Variants in ZFHX3 observed in about 807,000 individuals in gnomAD.
ZFHX3 encodes zinc finger homeobox protein 3.
ZFHX3 carries 42 observed loss-of-function variants against 279.1 expected under a neutral mutation model. That is an observed-to-expected ratio of 0.15 (90% CI 0.12 to 0.19). The LOEUF (loss-of-function observed/expected upper bound fraction) is 0.19, where lower values mean the gene tolerates loss of function less well. Ranked by LOEUF, ZFHX3 falls within the 10% of genes least tolerant of loss-of-function variation. The pLI is 1.00. For synonymous variants in ZFHX3, 2,293 were observed against 1,957.8 expected, an observed-to-expected ratio of 1.17 and a Z score of -4.52; for missense variants, 4,981 against 4,754.0, an observed-to-expected ratio of 1.05 and a Z score of -1.40.
chr16:73,230,842 C>T (rs1055349842), intron 5 of ZFHX3, among the ~76,000 whole-genome samples: 3 of 152,196 alleles, frequency 2.0e-5, no homozygotes, highest in African/African-American at 7.2e-5. Flanking sequence ...AGTGTTCCTG[C>T]TGCCGCTGCT....
Position 72,959,950 on chromosome 16 carries a change from C to A in ZFHX3, c.196G>T (p.Ala66Ser). 8.1e-6 allele frequency: 13 copies of A among 1,605,028 alleles called. No individual in the cohort carries two copies. Among genetic ancestry groups the A allele is most frequent in the African/African-American group, 1.3e-5 (1 of 74,804 alleles). The change falls in exon 2 of 10, where the codon GCG becomes TCG. Residue 66 changes from alanine (A) to serine (S), a missense_variant. By Grantham distance (99) the Ala-to-Ser change is moderately conservative. Coordinates refer to ENST00000268489, the MANE Select transcript of ZFHX3 (RefSeq NM_006885.4). Reference sequence around the variant, plus strand: ...GGCTCGGAGGGGGGCCCGGCCGACGCGGTGCTCTCCGCGAGGCGCTCATTG... The same window carrying A: ...GGCTCGGAGGGGGGCCCGGCCGACGAGGTGCTCTCCGCGAGGCGCTCATTG... Reference protein sequence around the residue: ...PFNERLAESTASAGPPSEPAS... With the variant: ...PFNERLAESTSSAGPPSEPAS...
intron 2 of ZFHX3, among the ~76,000 whole-genome samples, chr16:73,612,765 C>G (rs2052260094): frequency 6.6e-6 from 1 of 151,936 alleles, no homozygotes; most frequent in Non-Finnish European, 1.5e-5. Context: ...TAAAATAGTG[C>G]CAATATTTGC....
chr16:73,362,927 G>T (rs553871009), intron 3 of ZFHX3, among the ~76,000 whole-genome samples: 1 of 152,206 alleles, frequency 6.6e-6, no homozygotes, highest in African/African-American at 2.4e-5. Context: ...TAACCTATAG[G>T]ACCTAAAACA....
chr16:73,444,195 A>C (rs1450159810), intron 3 of ZFHX3, among the ~76,000 whole-genome samples: 1 of 152,234 alleles, frequency 6.6e-6, no homozygotes, highest in Non-Finnish European at 1.5e-5. Flanking sequence ...TCTAGTATGG[A>C]TAATTTTTTC....
chr16:73,085,491 C>CT (rs1966000839), intron 8 of ZFHX3, among the ~76,000 whole-genome samples: 1 of 152,180 alleles, frequency 6.6e-6, no homozygotes, highest in Non-Finnish European at 1.5e-5. Context: ...AGTGATCCGC[C>CT]TGCCTCGGCC....
At chr16:73,573,776 G>A (rs947410666) in intron 2 of ZFHX3, among the ~76,000 whole-genome samples, 1 of 152,142 alleles carries the variant, frequency 6.6e-6, no homozygotes, top group African/African-American at 2.4e-5. Context: ...TGTTATGCCT[G>A]TGTATATGAA....
chr16:73,023,709 C>CA (rs1019263406), intron 1 of ZFHX3, among the ~76,000 whole-genome samples: 4 of 152,192 alleles, frequency 2.6e-5, no homozygotes, highest in African/African-American at 9.7e-5. Flanking sequence ...CGGCTGGAAT[C>CA]AGAGCTCAAA....
intron 5 of ZFHX3, among the ~76,000 whole-genome samples, chr16:73,159,963 A>G (rs532311475): frequency 6.6e-6 from 1 of 152,210 alleles, no homozygotes; most frequent in Admixed American, 6.5e-5. Flanking sequence ...GGGTTTTGCC[A>G]TGTTGACCAG....
rs369748600 is a variant in ZFHX3 at position 72,889,949 on chromosome 16, T to C, written c.3230A>G (p.His1077Arg). ...SLKLYKHLQQHESGVEGESCY... is the reference protein window; with the variant it reads ...SLKLYKHLQQRESGVEGESCY... The stretch of plus-strand genomic sequence containing the variant: ...GCTCTCACCTTCTACACCACTCTCA[T>C]GCTGCTGCAGGTGCTGCAAGTAACA... The change falls in exon 4 of 10, where the codon CAT becomes CGT. Residue 1077 changes from histidine (H) to arginine (R), a missense_variant. Physicochemically the swap from His to Arg is conservative, Grantham distance 29. Transcript: ENST00000268489. 2.5e-6 allele frequency: 4 copies of C among 1,613,664 alleles called. No homozygotes were observed. Among genetic ancestry groups the C allele is most frequent in the Admixed American group, 1.7e-5 (1 of 59,970 alleles).
intron 4 of ZFHX3, among the ~76,000 whole-genome samples, chr16:73,293,486 T>G (rs1024983141): frequency 2.0e-5 from 3 of 152,238 alleles, no homozygotes; most frequent in African/African-American, 7.2e-5. Flanking sequence ...GTAATGTCCC[T>G]GTAGTTTAAT....
intron 7 of ZFHX3, among the ~76,000 whole-genome samples, chr16:73,117,603 G>A (rs1285470154): frequency 6.6e-6 from 1 of 152,220 alleles, no homozygotes; most frequent in Non-Finnish European, 1.5e-5. Flanking sequence ...AAGAAAGGGT[G>A]ACAATAGTCT....
chr16:73,185,162 G>C (rs74505826), intron 5 of ZFHX3, among the ~76,000 whole-genome samples: 2 of 152,060 alleles, frequency 1.3e-5, no homozygotes, highest in Admixed American at 6.6e-5. Flanking sequence ...AAGAAGGGAC[G>C]ACCTGAGCAG....
At chr16:72,935,092 G>T (rs1403723848) in intron 3 of ZFHX3, among the ~76,000 whole-genome samples, 1 of 152,194 alleles carries the variant, frequency 6.6e-6, no homozygotes, top group Non-Finnish European at 1.5e-5. Context: ...TATGTGCTGG[G>T]TCACTCATGT....
chr16:73,283,156 ACTAATGAGCGTTG>A (rs2014500225), intron 4 of ZFHX3, among the ~76,000 whole-genome samples: 1 of 152,226 alleles, frequency 6.6e-6, no homozygotes, highest in Non-Finnish European at 1.5e-5. Flanking sequence ...CAATAGGTAA[ACTAATGAGCGTTG>A]CTGTGTTCCA....
intron 2 of ZFHX3, chr16:73,610,051 C>G (rs185853802): frequency 1.3e-5 from 2 of 152,248 alleles, no homozygotes; most frequent in East Asian, 1.9e-4. Flanking sequence ...GGCAATGTCC[C>G]TCGTTCCTCT....
chr16:73,176,080 C>T (rs1967657376), intron 5 of ZFHX3, among the ~76,000 whole-genome samples: 1 of 152,190 alleles, frequency 6.6e-6, no homozygotes, highest in Non-Finnish European at 1.5e-5. Context: ...ATTCTCTCAT[C>T]CTTTGGCATT....
At chr16:73,783,705 AG>A (rs1489732773) in intron 1 of ZFHX3, among the ~76,000 whole-genome samples, 1 of 152,252 alleles carries the variant, frequency 6.6e-6, no homozygotes, top group Non-Finnish European at 1.5e-5. Context: ...TACCAGTCAC[AG>A]TGGTAAGGAC....
chr16:73,109,757 G>A (rs913151349), intron 7 of ZFHX3, among the ~76,000 whole-genome samples: 1 of 152,094 alleles, frequency 6.6e-6, no homozygotes, highest in Non-Finnish European at 1.5e-5. Flanking sequence ...GCTGAGGCAC[G>A]AGAGTCACTT....
At chr16:73,498,137 T>C (rs190586051) in intron 2 of ZFHX3, among the ~76,000 whole-genome samples, 263 of 152,360 alleles carry the variant, frequency 1.7e-3, no homozygotes, top group African/African-American at 6.0e-3. Context: ...TCTAAATGTT[T>C]TTATCCCCTT....
Sources: gnomAD v4.1 joint callset for allele counts (sites outside exome capture counted in the v4.1 genomes callset) on GRCh38, gnomAD v4.1.1 for gene constraint, MANE v1.5 for transcripts, NCBI Gene and HGNC (gene_info 2026-07-23, HGNC 2026-07-21) for gene names.